PDE4D: variants seen among roughly 807,000 people sequenced by gnomAD.
PDE4D encodes 3',5'-cyclic-AMP phosphodiesterase 4D.
Under a neutral mutation model 87.4 loss-of-function variants are expected in PDE4D, and 24 were observed. The ratio of observed to expected loss-of-function variants is 0.27; its 90% CI spans 0.20 to 0.39. The LOEUF is 0.39. Among genes scored for constraint, PDE4D ranks in the 10% least tolerant of loss-of-function variants. The pLI, the probability that PDE4D is intolerant of heterozygous loss-of-function variation, is 1.00. For missense variants in PDE4D, 714 were observed against 1,041.0 expected (o/e 0.69, Z 4.32); for synonymous variants, 384 against 383.2 (o/e 1.00, Z -0.02).
At chr5:60,167,261 A>AT (rs869272975) in intron 2 of PDE4D, among the ~76,000 whole-genome samples, 2 of 90,858 alleles carry the variant, frequency 2.2e-5, no homozygotes, top group South Asian at 3.4e-4. Context: ...TGAACTGTGT[A>AT]TTTTCTTTTT....
chr5:59,616,606 C>T (rs1217201581), intron 1 of PDE4D, among the ~76,000 whole-genome samples: 1 of 151,932 alleles, frequency 6.6e-6, no homozygotes, highest in Non-Finnish European at 1.5e-5. Flanking sequence ...TGCTCCCTAG[C>T]GATGCTCTCA....
intron 2 of PDE4D, among the ~76,000 whole-genome samples, chr5:60,057,306 T>C (rs1307834620): frequency 6.6e-6 from 1 of 151,992 alleles, no homozygotes; most frequent in African/African-American, 2.4e-5. Flanking sequence ...AATATACAAA[T>C]GTTAGGATGT....
chr5:59,954,271 C>A (rs1288090413), intron 3 of PDE4D, among the ~76,000 whole-genome samples: 1 of 152,106 alleles, frequency 6.6e-6, no homozygotes, highest in Non-Finnish European at 1.5e-5. Flanking sequence ...GATATGGTGA[C>A]AATTATTCTT....
chr5:60,511,750 A>G (rs1750583259), intron 1 of PDE4D, among the ~76,000 whole-genome samples: 2 of 152,100 alleles, frequency 1.3e-5, no homozygotes, highest in Non-Finnish European at 2.9e-5. Flanking sequence ...TCTAAAATCC[A>G]TATTCATAAT....
chr5:60,377,023 G>A (rs1198758469), intron 1 of PDE4D, among the ~76,000 whole-genome samples: 1 of 152,212 alleles, frequency 6.6e-6, no homozygotes, highest in Admixed American at 6.5e-5. Flanking sequence ...TAAGTTTCAC[G>A]ATGGCAAGGA....
intron 1 of PDE4D, among the ~76,000 whole-genome samples, chr5:59,747,846 A>G (rs1243304708): frequency 2.0e-5 from 3 of 152,030 alleles, no homozygotes; most frequent in African/African-American, 7.2e-5. Flanking sequence ...ATTCCCCCAA[A>G]GCCTCCTCAA....
rs560775000 is a variant in PDE4D, at chr5:59,945,986, G to C, written c.272+42502C>G. ...GCCATTTCACCACCTAATCACTATA[G>C]AATTCAAATCTGAGGCTGACAGCCT... On this transcript the variant is annotated intron_variant, in intron 3 of 16. Transcript: ENST00000502484. 2.0e-5 allele frequency among the ~76,000 whole-genome samples: 3 copies of C among 152,230 alleles called. No homozygotes were observed. In the South Asian group the frequency reaches 6.2e-4, roughly 32 times the overall value.
intron 1 of PDE4D, among the ~76,000 whole-genome samples, chr5:60,332,616 A>G (rs1757402634): frequency 6.6e-6 from 1 of 152,240 alleles, no homozygotes; most frequent in Admixed American, 6.5e-5. Context: ...CAGTATCCAA[A>G]TTCTAATAAA....
chr5:59,226,365 A>T (rs568571207), intron 1 of PDE4D, among the ~76,000 whole-genome samples: 104 of 152,320 alleles, frequency 6.8e-4, no homozygotes, highest in African/African-American at 2.4e-3. Flanking sequence ...AATTTTGAGG[A>T]CATTATGCCA....
intron 1 of PDE4D, among the ~76,000 whole-genome samples, chr5:59,428,413 C>T (rs1163406356): frequency 6.6e-6 from 1 of 151,992 alleles, no homozygotes; most frequent in Non-Finnish European, 1.5e-5. Flanking sequence ...TCCCTCCCTC[C>T]CTTCCATCCT....
intron 1 of PDE4D, among the ~76,000 whole-genome samples, chr5:59,706,988 G>A: frequency 6.6e-6 from 1 of 152,158 alleles, no homozygotes; most frequent in Non-Finnish European, 1.5e-5. Flanking sequence ...CAGACATAGT[G>A]TCTGTAAGGT....
intron 1 of PDE4D, among the ~76,000 whole-genome samples, chr5:59,382,390 CA>C (rs898256746): frequency 1.6e-4 from 24 of 151,632 alleles, no homozygotes; most frequent in African/African-American, 4.8e-4. Context: ...ATTCCACAAG[CA>C]AAAAAAATTT....
At chr5:59,689,928 C>T (rs1750616041) in intron 1 of PDE4D, among the ~76,000 whole-genome samples, 1 of 152,040 alleles carries the variant, frequency 6.6e-6, no homozygotes, top group Non-Finnish European at 1.5e-5. Context: ...ACACCAATAA[C>T]AGACAAACAG....
At chr5:59,449,397 CT>C (rs1312870809) in intron 1 of PDE4D, among the ~76,000 whole-genome samples, 1 of 152,204 alleles carries the variant, frequency 6.6e-6, no homozygotes, top group Non-Finnish European at 1.5e-5. Context: ...TATAGTTTTT[CT>C]CCCAAATCGA....
At chr5:60,068,739 G>A (rs1015450421) in intron 2 of PDE4D, among the ~76,000 whole-genome samples, 2 of 152,066 alleles carry the variant, frequency 1.3e-5, no homozygotes, top group Admixed American at 1.3e-4. Flanking sequence ...TGGTACTACA[G>A]GTGTGAGCCT....
At chr5:59,324,127 C>A (rs1581958312) in intron 1 of PDE4D, among the ~76,000 whole-genome samples, 1 of 152,280 alleles carries the variant, frequency 6.6e-6, no homozygotes, top group East Asian at 1.9e-4. Flanking sequence ...ATAACATTTT[C>A]ATTAAAAGCC....
At chr5:59,703,841 A>C (rs1752976188) in intron 1 of PDE4D, 1 of 261,704 alleles carries the variant, frequency 3.8e-6, no homozygotes, top group Non-Finnish European at 7.8e-6. Flanking sequence ...TTGAATCATC[A>C]TCTAATATTT....
chr5:60,377,103 A>C (rs1761488204), intron 1 of PDE4D, among the ~76,000 whole-genome samples: 2 of 152,320 alleles, frequency 1.3e-5, no homozygotes, highest in South Asian at 4.1e-4. Context: ...CAGGCAACCA[A>C]ATATTGTCCA....
At chr5:59,060,452 T>C (rs560863532) in intron 5 of PDE4D, among the ~76,000 whole-genome samples, 1 of 152,170 alleles carries the variant, frequency 6.6e-6, no homozygotes, top group Non-Finnish European at 1.5e-5. Flanking sequence ...TATACCTTAG[T>C]CTTTTTTGTG....
Sources: gnomAD v4.1 joint callset for allele counts (sites outside exome capture counted in the v4.1 genomes callset) on GRCh38, gnomAD v4.1.1 for gene constraint, MANE v1.5 for transcripts, NCBI Gene and HGNC (gene_info 2026-07-23, HGNC 2026-07-21) for gene names.